FZR1: variants seen among roughly 807,000 people sequenced by gnomAD.
FZR1 encodes the protein fizzy and cell division cycle 20 related 1.
FZR1 carries 11 observed loss-of-function variants against 63.6 expected under a neutral mutation model. The ratio of observed to expected loss-of-function variants is 0.17; its 90% CI spans 0.11 to 0.29. The LOEUF (loss-of-function observed/expected upper bound fraction) is 0.29, where lower values mean the gene tolerates loss of function less well. Among genes scored for constraint, FZR1 ranks in the 10% least tolerant of loss-of-function variants. FZR1 has a pLI of 1.00. For synonymous variants in FZR1, 328 were observed against 297.9 expected (o/e 1.10, Z -1.04); for missense variants, 440 against 687.5 (o/e 0.64, Z 4.03).
intron 2 of FZR1, among the ~76,000 whole-genome samples, chr19:3,524,615 A>ACCT (rs2083134430): frequency 6.6e-6 from 1 of 152,072 alleles, no homozygotes; most frequent in Non-Finnish European, 1.5e-5. Flanking sequence ...GAGGCCGCAG[A>ACCT]CGGGGCCCAC....
Position 3,520,214 on chromosome 19 carries a change from C to T in FZR1, c.-34-2742C>T, listed in dbSNP as rs116233747. ...GGGGACACATGGGCCTTTGGGGCTG[C>T]GGGAGGCAGCTGTGCCCTGTGGAGA... On this transcript the variant is annotated intron_variant, in intron 1 of 13. Coordinates refer to ENST00000441788, the MANE Select transcript of FZR1 (RefSeq NM_016263.4). 3.3e-3 allele frequency among the ~76,000 whole-genome samples: 499 copies of T among 152,208 alleles called. 2 individuals carry two copies. Among genetic ancestry groups the T allele is most frequent in the African/African-American group, 0.012 (482 of 41,532 alleles).
chr19:3,526,454 A>T lies in FZR1; in HGVS notation c.387+68A>T, dbSNP rs2286543. Reference sequence around the variant, plus strand: ...CAGCCTCCCCGGCCCCCCACCTCCCAGGCACCAGCTCTGCCTCCCCGAGCC... The same window carrying T: ...CAGCCTCCCCGGCCCCCCACCTCCCTGGCACCAGCTCTGCCTCCCCGAGCC... On this transcript the variant is annotated intron_variant, in intron 5 of 13. Transcript: ENST00000441788. This position sits in a 1 kb window ranked among gnomAD's most constrained non-coding sequence, Gnocchi z 5.4. 7.5e-7 allele frequency: 1 copy of T among 1,332,938 alleles called. No individual in the cohort carries two copies. The highest frequency in any genetic ancestry group is 1.0e-6 in the Non-Finnish European group (1 of 969,622). The allele number at this position is 1,332,938 out of a possible 1,614,324, so 82.6% of individuals were successfully genotyped here.
Position 3,516,491 on chromosome 19 carries a change from C to T in FZR1, c.-34-6465C>T, listed in dbSNP as rs1361817243. 6.6e-6 allele frequency among the ~76,000 whole-genome samples: 1 copy of T among 152,218 alleles called. No homozygotes were observed. Among genetic ancestry groups the T allele is most frequent in the East Asian group, 1.9e-4 (1 of 5,198 alleles). ...CCTCTTATGGCTCCTGGATTTTGTT[C>T]TTCCTGCAGCGCAGCTGAGCGAGGG... On this transcript the variant is annotated intron_variant, in intron 1 of 13. Coordinates refer to ENST00000441788, the MANE Select transcript of FZR1 (RefSeq NM_016263.4). The surrounding 1 kb of genome is among the most constrained non-coding windows in gnomAD (Gnocchi z 6.0).
chr19:3,532,071 C>T lies in FZR1; in HGVS notation c.984C>T (p.Leu328=), dbSNP rs114394667. The stretch of plus-strand genomic sequence containing the variant: ...AGTGGTCCACAGACCACCAGCTCCT[C>T]GCCTCGGGGGGCAACGACAACAAGG... ...GLKWSTDHQL[L]ASGGNDNKLL... Residue 328 remains leucine (L), a synonymous_variant, in exon 10 of 14, where the codon CTC becomes CTT. Transcript: ENST00000441788. 27 of 1,520,454 alleles carry T rather than the reference C, an allele frequency of 1.8e-5. No homozygotes were observed. In the Admixed American group the frequency reaches 3.8e-4, roughly 21 times the overall value. 94.2% of individuals were successfully genotyped at this position (1,520,454 alleles called of 1,614,324 possible). A position where few individuals can be genotyped will look rare whatever the true frequency, so the allele number is the denominator to read the frequency against.
intron 1 of FZR1, among the ~76,000 whole-genome samples, chr19:3,509,492 T>C (rs963024491): frequency 2.0e-5 from 3 of 152,236 alleles, no homozygotes; most frequent in South Asian, 2.1e-4. Flanking sequence ...GATACACTTC[T>C]CCTGCCGCAC....
chr19:3,523,563 G>A (rs541643694), intron 2 of FZR1, among the ~76,000 whole-genome samples: 19 of 152,336 alleles, frequency 1.2e-4, no homozygotes, highest in African/African-American at 3.8e-4. Context: ...TTCCCCACCC[G>A]ACTCCTGCGG....
chr19:3,512,344 G>A (rs1218643547), intron 1 of FZR1, among the ~76,000 whole-genome samples: 4 of 152,208 alleles, frequency 2.6e-5, no homozygotes, highest in Admixed American at 2.6e-4. Flanking sequence ...GGTGCCTGCT[G>A]CCTCGTAGAC....
intron 7 of FZR1, among the ~76,000 whole-genome samples, chr19:3,528,277 G>A (rs932400865): frequency 6.6e-6 from 1 of 152,256 alleles, no homozygotes; most frequent in Non-Finnish European, 1.5e-5. Context: ...GGTTGCTGGT[G>A]CAGGGCAGCA....
At chr19:3,527,196 A>AC in intron 6 of FZR1, 134 bp downstream of exon 6, 2 of 753,436 alleles carry the variant, frequency 2.7e-6, no homozygotes, top group Non-Finnish European at 4.6e-6. Flanking sequence ...TTCCCAGGGC[A>AC]TAGTGGCCTG....
Position 3,532,565 on chromosome 19 carries a change from A to G in FZR1, c.1157A>G (p.Asn386Ser). 3 of 1,612,756 alleles carry G rather than the reference A, an allele frequency of 1.9e-6. No homozygotes were observed. Among genetic ancestry groups the G allele is most frequent in the Non-Finnish European group, 2.5e-6 (3 of 1,179,840 alleles). ...GTADRCIRFW[N>S]TLTGQPLQCI... ...GCTGACCGCTGTATCCGCTTCTGGA[A>G]CACGCTGACAGGACAACCACTGCAG... is the stretch of plus-strand genomic sequence containing the variant. Residue 386 changes from asparagine (N) to serine (S), a missense_variant, in exon 11 of 14, where the codon AAC becomes AGC. Physicochemically the swap from Asn to Ser is conservative, Grantham distance 46. Coordinates refer to ENST00000441788, the MANE Select transcript of FZR1 (RefSeq NM_016263.4).
chr19:3,536,867 G>A lies in FZR1; in HGVS notation c.*2031G>A, dbSNP rs375285571. On this transcript the variant is annotated 3_prime_UTR_variant, in exon 14 of 14. Coordinates refer to ENST00000441788, the MANE Select transcript of FZR1 (RefSeq NM_016263.4). ...GAAGCAGCTTCTGAGGGGCTTCCCA[G>A]GCCTGCATTTCACAGATGGGGAGCT... is the stretch of plus-strand genomic sequence containing the variant. The A allele has an allele frequency of 6.6e-6, 1 of 152,390 alleles. No homozygotes were observed. The highest frequency in any genetic ancestry group is 2.4e-5 in the African/African-American group (1 of 41,582). The allele number at this position is 152,390 out of a possible 1,614,324, so 9.4% of individuals were successfully genotyped here. A position where few individuals can be genotyped will look rare whatever the true frequency, so the allele number is the denominator to read the frequency against.
At chr19:3,534,774 G>A (rs1443738464) in intron 13 of FZR1, 21 bp from the exon 14 acceptor site, 1 of 1,610,732 alleles carries the variant, frequency 6.2e-7, no homozygotes, top group Non-Finnish European at 8.5e-7. Flanking sequence ...CAGCGCATCT[G>A]CCATCCCCAT....
chr19:3,530,215 A>T (rs1163781350), intron 7 of FZR1, among the ~76,000 whole-genome samples: 4 of 105,390 alleles, frequency 3.8e-5, no homozygotes, highest in Admixed American at 9.4e-5. Flanking sequence ...AGCAGATGGG[A>T]GAGTGGATGG....
chr19:3,526,407 A>C lies in FZR1; in HGVS notation c.387+21A>C, dbSNP rs1340265757. ...TCACGGTAAGCCTGCGGCACCCCCC[A>C]CCCGGGAGCTGGCTCCCAGTGCAGC... On this transcript the variant is annotated intron_variant, in intron 5 of 13. Coordinates refer to ENST00000441788, the MANE Select transcript of FZR1 (RefSeq NM_016263.4). The surrounding 1 kb of genome is among the most constrained non-coding windows in gnomAD (Gnocchi z 5.4). 6.5e-7 allele frequency: 1 copy of C among 1,544,908 alleles called. No individual in the cohort carries two copies. The highest frequency in any genetic ancestry group is 2.4e-5 in the East Asian group (1 of 41,358).
intron 8 of FZR1, among the ~76,000 whole-genome samples, chr19:3,531,119 C>T (rs1218036267): frequency 6.6e-6 from 1 of 152,126 alleles, no homozygotes; most frequent in Non-Finnish European, 1.5e-5. Flanking sequence ...TGGGACCTGC[C>T]CACCTGGGAC....
intron 1 of FZR1, among the ~76,000 whole-genome samples, chr19:3,509,781 G>C (rs10419081): frequency 1.1e-3 from 175 of 152,332 alleles, no homozygotes; most frequent in African/African-American, 4.1e-3. Context: ...CTGAGTCAGA[G>C]CCCTGCTCTT....
Position 3,525,829 on chromosome 19 carries a change from C to T in FZR1, c.70-39C>T. On this transcript the variant is annotated intron_variant, in intron 2 of 13. Coordinates refer to ENST00000441788, the MANE Select transcript of FZR1 (RefSeq NM_016263.4). This position sits in a 1 kb window ranked among gnomAD's most constrained non-coding sequence, Gnocchi z 4.2. ...GGCCTGGGGGCACTCTCGGGGGGCT[C>T]TCGGTGCTGAGAGCAAGCCCTCTGC... 5.0e-6 allele frequency: 8 copies of T among 1,599,960 alleles called. No individual in the cohort carries two copies. The highest frequency in any genetic ancestry group is 6.8e-6 in the Non-Finnish European group (8 of 1,176,404).
rs1277472524 is a variant in FZR1, at chr19:3,532,640, C to T, written c.1232C>T (p.Ala411Val). 3.1e-6 allele frequency: 5 copies of T among 1,611,310 alleles called. No homozygotes were observed. Among genetic ancestry groups the T allele is most frequent in the Non-Finnish European group, 4.2e-6 (5 of 1,178,724 alleles). The change falls in exon 11 of 14, where the codon GCC becomes GTC. Residue 411 changes from alanine to valine, a missense_variant. By Grantham distance (64) the Ala-to-Val change is moderately conservative. Transcript: ENST00000441788. The part of the protein sequence containing the change: ...QVCNLAWSKH[A>V]NELVSTHGYS... ...TGCAATCTGGCCTGGTCCAAGCACG[C>T]CAACGAGCTGGTGAGCACGGGCGGC...
chr19:3,517,640 ATTGCACCACTGCACTCCAG>A (rs1479105579), intron 1 of FZR1, among the ~76,000 whole-genome samples: 1 of 151,924 alleles, frequency 6.6e-6, no homozygotes, highest in Admixed American at 6.6e-5. Flanking sequence ...GTGTGCCGAG[ATTGCACCACTGCACTCCAG>A]CCTGGGCAAA....
Sources: gnomAD v4.1 joint callset for allele counts (sites outside exome capture counted in the v4.1 genomes callset) on GRCh38, gnomAD v4.1.1 for gene constraint, Gnocchi (gnomAD v3.1) non-coding constraint, MANE v1.5 for transcripts, NCBI Gene and HGNC (gene_info 2026-07-23, HGNC 2026-07-21) for gene names.